Variants in OTOG observed in about 807,000 individuals in gnomAD.
The protein encoded by OTOG is otogelin.
In OTOG, 296 loss-of-function variants were observed where a neutral mutation model predicts 313.8. The observed-to-expected ratio is 0.94, with a 90% confidence interval of 0.86 to 1.04. The LOEUF (loss-of-function observed/expected upper bound fraction) is 1.04. Ranked by LOEUF, OTOG falls within the 50% of genes least tolerant of loss-of-function variation. OTOG has a pLI of 0.00. For missense variants in OTOG, 3,948 were observed against 3,840.1 expected, an observed-to-expected ratio of 1.03 and a Z score of -0.74; for synonymous variants, 1,533 against 1,554.9, an observed-to-expected ratio of 0.99 and a Z score of 0.33.
At chr11:17,635,836 G>T (rs1590058710) in intron 47 of OTOG, 125 bp downstream of exon 47, 1 of 757,054 alleles carries the variant, frequency 1.3e-6, no homozygotes, top group East Asian at 2.7e-5. Context: ...CTCTGGAGGG[G>T]CCGAGCAGCT....
At chr11:17,628,467 C>T (rs1353343585) in intron 39 of OTOG, among the ~76,000 whole-genome samples, 1 of 151,912 alleles carries the variant, frequency 6.6e-6, no homozygotes, top group South Asian at 2.1e-4. Flanking sequence ...CAAATTTAAC[C>T]TTGTTAATAC....
chr11:17,590,106 C>T (rs112369270), intron 24 of OTOG, among the ~76,000 whole-genome samples: 2,582 of 152,298 alleles, frequency 0.017, 82 homozygotes, highest in African/African-American at 0.059. Context: ...CTCATGGCTA[C>T]AAGGCCCATC....
intron 7 of OTOG, among the ~76,000 whole-genome samples, chr11:17,556,769 C>T (rs967456358): frequency 2.6e-5 from 4 of 152,174 alleles, no homozygotes; most frequent in African/African-American, 9.7e-5. Context: ...TTCTTGCACT[C>T]CCAGTTTTCC....
At chr11:17,549,859 G>A (rs1250816025) in intron 3 of OTOG, among the ~76,000 whole-genome samples, 1 of 152,050 alleles carries the variant, frequency 6.6e-6, no homozygotes, top group Non-Finnish European at 1.5e-5. Flanking sequence ...GTTGGGGGGT[G>A]GGGGACTGAG....
At chr11:17,638,578 G>C (rs577633321) in intron 48 of OTOG, 29 bp downstream of exon 48, 1 of 1,541,530 alleles carries the variant, frequency 6.5e-7, no homozygotes. Context: ...CAGCCTCCCC[G>C]CTGGGAGATC....
chr11:17,610,942 C>T lies in OTOG; in HGVS notation c.5642C>T (p.Thr1881Ile), dbSNP rs1422885303. The T allele has an allele frequency of 5.8e-6, 9 of 1,550,472 alleles. No individual in the cohort carries two copies. The highest frequency in any genetic ancestry group is 7.0e-6 in the Non-Finnish European group (8 of 1,147,014). ...GTAPGLLLGATLPTSGVLPVA... is the reference protein window; with the variant it reads ...GTAPGLLLGAILPTSGVLPVA... ...GCTCCAGGCCTGCTGCTGGGAGCCA[C>T]ATTGCCAACCTCTGGAGTCCTGCCT... The change falls in exon 36 of 56, where the codon ACA (threonine) becomes ATA (isoleucine). Residue 1881 changes from threonine (T) to isoleucine (I), a missense_variant. Coordinates refer to ENST00000399397, the MANE Select transcript of OTOG (RefSeq NM_001292063.2).
In OTOG at chr11:17,578,146, T is replaced by A. The variant is rs985774751; in HGVS notation, c.2606-227T>A. On this transcript the variant is annotated intron_variant, in intron 22 of 55. Coordinates refer to ENST00000399397, the MANE Select transcript of OTOG (RefSeq NM_001292063.2). ...CTGGAGTAGTCTGGTATGGAGGACGTGCAGAGATGGGTCCTGGTGGCCGCA... is the reference window on the plus strand; with the variant it reads ...CTGGAGTAGTCTGGTATGGAGGACGAGCAGAGATGGGTCCTGGTGGCCGCA... 29 of 860,902 alleles carry A rather than the reference T, an allele frequency of 3.4e-5. No individual in the cohort carries two copies. The African/African-American group carries it at 4.7e-4, about 14-fold the overall frequency. The allele number at this position is 860,902 out of a possible 1,614,324, so 53.3% of individuals were successfully genotyped here. A position where few individuals can be genotyped will look rare whatever the true frequency, so the allele number is the denominator to read the frequency against.
At chr11:17,598,971 C>T (rs1853179076) in intron 30 of OTOG, among the ~76,000 whole-genome samples, 1 of 152,216 alleles carries the variant, frequency 6.6e-6, no homozygotes, top group South Asian at 2.1e-4. Flanking sequence ...ATGTGTGAAG[C>T]ATGCTGCTCC....
chr11:17,643,560 G>T, intron 54 of OTOG, 54 bp downstream of exon 54: 1 of 1,289,638 alleles, frequency 7.8e-7, no homozygotes, highest in Non-Finnish European at 1.0e-6. Context: ...GGGGCACAGG[G>T]TGTCATGTCA....
At position 17,571,670 on chromosome 11, in the gene OTOG, GA is replaced by G. The variant is rs556324032; in HGVS notation, c.1956-408del. Among the ~76,000 whole-genome samples, 12 of 152,200 alleles carry G rather than the reference GA, an allele frequency of 7.9e-5. No homozygotes were observed. The South Asian group carries it at 2.5e-3, about 32-fold the overall frequency. On this transcript the variant is annotated intron_variant, in intron 17 of 55. Transcript: ENST00000399397. ...TCTGACCTGAAGAGCTGGGGGTGGGGAATGAAGCCATATTCATTCCCCGCCC... is the reference window on the plus strand; with the variant it reads ...TCTGACCTGAAGAGCTGGGGGTGGGGATGAAGCCATATTCATTCCCCGCCC...
At chr11:17,550,349 A>G (rs759917239) in intron 3 of OTOG, among the ~76,000 whole-genome samples, 2 of 152,234 alleles carry the variant, frequency 1.3e-5, no homozygotes, top group Non-Finnish European at 2.9e-5. Context: ...ATAAAATGAT[A>G]TTGTGATATA....
chr11:17,573,635 C>T (rs1458126481), intron 19 of OTOG, among the ~76,000 whole-genome samples: 2 of 152,214 alleles, frequency 1.3e-5, no homozygotes, highest in African/African-American at 4.8e-5. Flanking sequence ...CAAAAGACCA[C>T]TGGCTGTTGC....
At chr11:17,613,231 C>CTT (rs1853627485) in intron 38 of OTOG, among the ~76,000 whole-genome samples, 3 of 135,508 alleles carry the variant, frequency 2.2e-5, no homozygotes, top group Admixed American at 7.4e-5. Flanking sequence ...TTCTTTCTTT[C>CTT]TTTCTTTCTT....
At chr11:17,575,804 G>A (rs1240692052) in intron 20 of OTOG, among the ~76,000 whole-genome samples, 2 of 152,156 alleles carry the variant, frequency 1.3e-5, no homozygotes, top group African/African-American at 4.8e-5. Flanking sequence ...GTTGAGTGTT[G>A]CCAACGAAAG....
At chr11:17,584,897 T>C (rs895471343) in intron 23 of OTOG, among the ~76,000 whole-genome samples, 8 of 152,244 alleles carry the variant, frequency 5.3e-5, no homozygotes, top group African/African-American at 1.9e-4. Context: ...GCAAATTACA[T>C]TGGTTGATTT....
intron 7 of OTOG, 146 bp downstream of exon 7, chr11:17,556,043 G>T (rs1242040170): frequency 9.5e-6 from 6 of 633,698 alleles, no homozygotes; most frequent in Non-Finnish European, 1.6e-5. Flanking sequence ...AAGCATACTG[G>T]CAGATCACTG....
intron 33 of OTOG, 23 bp downstream of exon 33, chr11:17,606,158 C>T: frequency 6.6e-7 from 1 of 1,509,868 alleles, no homozygotes; most frequent in Non-Finnish European, 8.9e-7. Context: ...CTGCCATTGC[C>T]CTCGGCCCTT....
At chr11:17,606,160 T>C in intron 33 of OTOG, 25 bp downstream of exon 33, 1 of 1,507,994 alleles carries the variant, frequency 6.6e-7, no homozygotes, top group South Asian at 1.3e-5. Flanking sequence ...GCCATTGCCC[T>C]CGGCCCTTTG....
Position 17,561,751 on chromosome 11 carries a change from A to T in OTOG, c.1588A>T (p.Lys530Ter), listed in dbSNP as rs1426213819. 1 of 1,550,524 alleles carries T rather than the reference A, an allele frequency of 6.4e-7. No individual in the cohort carries two copies. Among genetic ancestry groups the T allele is most frequent in the Non-Finnish European group, 8.7e-7 (1 of 1,146,978 alleles). The change falls in exon 15 of 56, where the codon AAG becomes TAG. Residue 530 changes from lysine (K) to a stop codon, truncating the protein, a stop_gained. Coordinates refer to ENST00000399397, the MANE Select transcript of OTOG (RefSeq NM_001292063.2). LOFTEE classifies it high-confidence loss of function. The part of the protein sequence containing the change: ...FPATCQYILA[K>*]SRSSGTFTVT... ...CGCCACATGTCAGTACATCCTGGCC[A>T]AGAGCCGCTCTTCGGGCACCTTCAC...
Sources: allele counts gnomAD v4.1 joint callset (sites outside exome capture counted in the v4.1 genomes callset), GRCh38; gene constraint gnomAD v4.1.1; transcripts MANE v1.5; gene names NCBI Gene and HGNC (gene_info 2026-07-23, HGNC 2026-07-21).